Variants in MFAP3 observed in about 807,000 individuals in gnomAD.
The protein encoded by MFAP3 is microfibril-associated glycoprotein 3.
A neutral mutation model predicts 20.5 loss-of-function variants in MFAP3; 8 were observed. That is an observed-to-expected ratio of 0.39 (90% confidence interval 0.23 to 0.70). The LOEUF is 0.70. Among genes scored for constraint, MFAP3 ranks in the 30% least tolerant of loss-of-function variants. The pLI is 0.44. For synonymous variants in MFAP3, 140 were observed against 154.0 expected (o/e 0.91, Z 0.67); for missense variants, 398 against 444.6 (o/e 0.90, Z 0.94).
At chr5:154,049,509 C>G in intron 1 of MFAP3, 48 bp from the exon 2 acceptor site, 1 of 546,186 alleles carries the variant, frequency 1.8e-6, no homozygotes, top group South Asian at 2.2e-5. Flanking sequence ...CACTTTCACC[C>G]CATTATGAAT....
At position 154,053,875 on chromosome 5, in the gene MFAP3, C is replaced by A; in HGVS notation, c.*162C>A. The A allele has an allele frequency of 1.6e-6, 1 of 623,448 alleles. No homozygotes were observed. Among genetic ancestry groups the A allele is most frequent in the South Asian group, 2.3e-5 (1 of 43,012 alleles). The allele number at this position is 623,448 out of a possible 1,614,324, so 38.6% of individuals were successfully genotyped here. A position where few individuals can be genotyped will look rare whatever the true frequency, so the allele number is the denominator to read the frequency against. Reference sequence around the variant, plus strand: ...AATTGCCAAAGTCTTCATTAGAAGGCAGCATTTTTCCTCTCTGATACTTTT... The same window carrying A: ...AATTGCCAAAGTCTTCATTAGAAGGAAGCATTTTTCCTCTCTGATACTTTT... On this transcript the variant is annotated 3_prime_UTR_variant, in exon 3 of 3. Transcript: ENST00000522782.
intron 1 of MFAP3, among the ~76,000 whole-genome samples, chr5:154,047,904 A>G (rs1014496854): frequency 1.3e-4 from 20 of 152,184 alleles, no homozygotes; most frequent in African/African-American, 4.6e-4. Flanking sequence ...GTTGAGAACC[A>G]CTAATCTAGA....
intron 1 of MFAP3, among the ~76,000 whole-genome samples, chr5:154,043,960 T>C (rs1773020358): frequency 6.6e-6 from 1 of 152,208 alleles, no homozygotes; most frequent in Non-Finnish European, 1.5e-5. Flanking sequence ...TTATAGGAAG[T>C]CCCAAACATA....
chr5:154,041,069 C>G (rs1307942468), intron 1 of MFAP3, among the ~76,000 whole-genome samples: 1 of 151,284 alleles, frequency 6.6e-6, no homozygotes, highest in Non-Finnish European at 1.5e-5. Context: ...TAACTAACTG[C>G]TAAGAGGAAA....
intron 1 of MFAP3, among the ~76,000 whole-genome samples, chr5:154,044,161 G>A (rs1480896175): frequency 2.0e-5 from 3 of 152,166 alleles, no homozygotes; most frequent in East Asian, 1.9e-4. Flanking sequence ...ACCACCTACT[G>A]TACTTCATCT....
rs1672413795 is a variant in MFAP3 at position 154,047,500 on chromosome 5, T to G, written c.-166-2057T>G. 3.3e-5 allele frequency among the ~76,000 whole-genome samples: 5 copies of G among 152,120 alleles called. No homozygotes were observed. In the South Asian group the frequency reaches 1.0e-3, roughly 32 times the overall value. ...GTGGCATTAAAATAAACTGGAGTTGTGGGGGGCTTTTTGTTTTGGTTTTGG... is the reference window on the plus strand; with the variant it reads ...GTGGCATTAAAATAAACTGGAGTTGGGGGGGGCTTTTTGTTTTGGTTTTGG... On this transcript the variant is annotated intron_variant, in intron 1 of 2. Transcript: ENST00000522782.
intron 1 of MFAP3, among the ~76,000 whole-genome samples, chr5:154,047,384 A>G (rs1773090425): frequency 6.6e-6 from 1 of 152,204 alleles, no homozygotes. Flanking sequence ...CTCAATAGAT[A>G]CTGTTCAGTA....
intron 1 of MFAP3, among the ~76,000 whole-genome samples, chr5:154,041,264 G>C (rs1034917104): frequency 6.6e-6 from 1 of 152,204 alleles, no homozygotes; most frequent in South Asian, 2.1e-4. Flanking sequence ...GGGGCAGAAA[G>C]ATTTTTAAGC....
intron 1 of MFAP3, among the ~76,000 whole-genome samples, chr5:154,042,000 C>T (rs1261473766): frequency 1.3e-5 from 2 of 152,074 alleles, no homozygotes; most frequent in Non-Finnish European, 2.9e-5. Flanking sequence ...ATGGCTTCAC[C>T]CAGGGGTAGG....
At position 154,054,296 on chromosome 5, in the gene MFAP3, G is replaced by A. The variant is rs557396503; in HGVS notation, c.*583G>A. 1 of 167,666 alleles carries A rather than the reference G, an allele frequency of 6.0e-6. No homozygotes were observed. The highest frequency in any genetic ancestry group is 1.9e-4 in the East Asian group (1 of 5,200). The allele number at this position is 167,666 out of a possible 1,614,324, so 10.4% of individuals were successfully genotyped here. ...CATCTGAGTGTTTTTCAGATGTTTT[G>A]CCATGTGGAGCATATAATGATATGT... On this transcript the variant is annotated 3_prime_UTR_variant, in exon 3 of 3. Coordinates refer to ENST00000522782, the MANE Select transcript of MFAP3 (RefSeq NM_005927.5).
At chr5:154,044,088 A>C (rs891736204) in intron 1 of MFAP3, among the ~76,000 whole-genome samples, 3 of 152,190 alleles carry the variant, frequency 2.0e-5, no homozygotes, top group Non-Finnish European at 4.4e-5. Context: ...GCTGTCTTTC[A>C]AGCTGGTTTG....
Position 154,049,803 on chromosome 5 carries a change from C to T in MFAP3, c.81C>T (p.Phe27=), listed in dbSNP as rs774524533. The change falls in exon 2 of 3, where the codon TTC becomes TTT. Residue 27 remains phenylalanine, a synonymous_variant. Coordinates refer to ENST00000522782, the MANE Select transcript of MFAP3 (RefSeq NM_005927.5). The stretch of plus-strand genomic sequence containing the variant: ...CTTTTGTTTTGGAAGATGTGGACTT[C>T]GACCAAATGGTTTCACTGGAAGCAA... ...PAAFVLEDVD[F]DQMVSLEANR... The T allele has an allele frequency of 8.7e-5, 140 of 1,613,470 alleles. No homozygotes were observed. Among genetic ancestry groups the T allele is most frequent in the Admixed American group, 1.8e-4 (11 of 59,932 alleles).
intron 1 of MFAP3, 173 bp downstream of exon 1, chr5:154,039,184 A>ATACC (rs1160797766): frequency 6.6e-6 from 1 of 152,260 alleles, no homozygotes; most frequent in African/African-American, 2.4e-5. Context: ...TGAGAGCCAG[A>ATACC]TACCTGCCAG....
rs1773316846 is a variant in MFAP3, at chr5:154,055,816, C to T, written c.*2103C>T. Among the ~76,000 whole-genome samples, 1 of 151,938 alleles carries T rather than the reference C, an allele frequency of 6.6e-6. No individual in the cohort carries two copies. Among genetic ancestry groups the T allele is most frequent in the South Asian group, 2.1e-4 (1 of 4,816 alleles). Reference sequence around the variant, plus strand: ...AGAGATGGGGGTCTCACTTTGTTGCCCAGGCTGACCTTGTACTTGTGGCTT... The same window carrying T: ...AGAGATGGGGGTCTCACTTTGTTGCTCAGGCTGACCTTGTACTTGTGGCTT... On this transcript the variant is annotated 3_prime_UTR_variant, in exon 3 of 3. Coordinates refer to ENST00000522782, the MANE Select transcript of MFAP3 (RefSeq NM_005927.5).
At chr5:154,043,620 G>T (rs190744571) in intron 1 of MFAP3, among the ~76,000 whole-genome samples, 47 of 152,048 alleles carry the variant, frequency 3.1e-4, no homozygotes, top group Middle Eastern at 3.4e-3. Flanking sequence ...CACAAACATA[G>T]TATAGCCCTT....
rs1773341966 is a variant in MFAP3 at position 154,056,764 on chromosome 5, G to C, written c.*3051G>C. ...AGCTGATGCCCCACTTGAGTTTATA[G>C]ACTGTTTGATAACTGCCTGTCCTCC... On this transcript the variant is annotated 3_prime_UTR_variant, in exon 3 of 3. Transcript: ENST00000522782. 6.6e-6 allele frequency among the ~76,000 whole-genome samples: 1 copy of C among 152,158 alleles called. No individual in the cohort carries two copies. The highest frequency in any genetic ancestry group is 2.1e-4 in the South Asian group (1 of 4,830).
At position 154,054,847 on chromosome 5, in the gene MFAP3, A is replaced by G. The variant is rs1382278; in HGVS notation, c.*1134A>G. 0.62 allele frequency: 102,745 copies of G among 166,906 alleles called. 32,126 individuals carry two copies. Among genetic ancestry groups the G allele is most frequent in the East Asian group, 0.88 (4,529 of 5,176 alleles). The allele number at this position is 166,906 out of a possible 1,614,324, so 10.3% of individuals were successfully genotyped here. A position where few individuals can be genotyped will look rare whatever the true frequency, so the allele number is the denominator to read the frequency against. On this transcript the variant is annotated 3_prime_UTR_variant, in exon 3 of 3. Coordinates refer to ENST00000522782, the MANE Select transcript of MFAP3 (RefSeq NM_005927.5). ...TTTTATTTTTGTTTACTTCAGATAC[A>G]TAATTCTGAGCTATGGCTGCTTTTG...
Position 154,053,857 on chromosome 5 carries a change from A to G in MFAP3, c.*144A>G, listed in dbSNP as rs907990597. On this transcript the variant is annotated 3_prime_UTR_variant, in exon 3 of 3. Transcript: ENST00000522782. ...TAAGCACATCAGAACGTGAATTGCC[A>G]AAGTCTTCATTAGAAGGCAGCATTT... 8 of 698,460 alleles carry G rather than the reference A, an allele frequency of 1.1e-5. No homozygotes were observed. The highest frequency in any genetic ancestry group is 2.7e-5 in the East Asian group (1 of 37,014). 43.3% of individuals were successfully genotyped at this position (698,460 alleles called of 1,614,324 possible). A position where few individuals can be genotyped will look rare whatever the true frequency, so the allele number is the denominator to read the frequency against.
rs2113571697 is a variant in MFAP3, at chr5:154,055,623, A to G, written c.*1910A>G. 6.6e-6 allele frequency among the ~76,000 whole-genome samples: 1 copy of G among 152,216 alleles called. No homozygotes were observed. The highest frequency in any genetic ancestry group is 1.9e-4 in the East Asian group (1 of 5,188). On this transcript the variant is annotated 3_prime_UTR_variant, in exon 3 of 3. Transcript: ENST00000522782. ...TTTTTCCCTTCCCTTTTCTCTGGAA[A>G]AATTAAATTTTTTTTCTGTCCACTG... is the stretch of plus-strand genomic sequence containing the variant.
Sources: allele counts gnomAD v4.1 joint callset (sites outside exome capture counted in the v4.1 genomes callset), GRCh38; gene constraint gnomAD v4.1.1; transcripts MANE v1.5; gene names NCBI Gene and HGNC (gene_info 2026-07-23, HGNC 2026-07-21).